LPA: variants seen among roughly 807,000 people sequenced by gnomAD.
LPA encodes apolipoprotein(a).
A neutral mutation model predicts 197.9 loss-of-function variants in LPA; 199 were observed. That is an observed-to-expected ratio of 1.01 (90% confidence interval 0.90 to 1.13). LPA has a LOEUF of 1.13. Ranked by LOEUF, LPA falls within the 50% of genes most tolerant of loss-of-function variation. The pLI is 0.00. For missense variants in LPA, 1,853 were observed against 1,785.8 expected, an observed-to-expected ratio of 1.04 and a Z score of -0.68; for synonymous variants, 715 against 639.5, an observed-to-expected ratio of 1.12 and a Z score of -1.78.
At chr6:160,648,495 C>G (rs1272591900) in intron 2 of LPA, among the ~76,000 whole-genome samples, 2 of 151,964 alleles carry the variant, frequency 1.3e-5, no homozygotes, top group Non-Finnish European at 2.9e-5. Flanking sequence ...TGTAGGAAAT[C>G]TTTTTATGTT....
At chr6:160,643,114 G>GTGTA (rs1779868871) in intron 4 of LPA, among the ~76,000 whole-genome samples, 6 of 144,614 alleles carry the variant, frequency 4.1e-5, no homozygotes, top group African/African-American at 1.5e-4. Flanking sequence ...GTGTGTGTGT[G>GTGTA]TAGCTCATTC....
At chr6:160,586,014 A>G (rs1157314616) in intron 25 of LPA, among the ~76,000 whole-genome samples, 1 of 152,140 alleles carries the variant, frequency 6.6e-6, no homozygotes, top group African/African-American at 2.4e-5. Flanking sequence ...AAGACATGTT[A>G]GGTTTCTCAA....
At chr6:160,547,485 T>C (rs1003908447) in intron 32 of LPA, among the ~76,000 whole-genome samples, 13 of 152,072 alleles carry the variant, frequency 8.5e-5, no homozygotes, top group African/African-American at 3.1e-4. Context: ...AGGCCACAGA[T>C]AATTACCAGT....
intron 7 of LPA, among the ~76,000 whole-genome samples, chr6:160,634,477 C>T (rs1311514468): frequency 7.5e-6 from 1 of 132,990 alleles, no homozygotes; most frequent in Non-Finnish European, 1.6e-5. Context: ...AGGGAATCTT[C>T]TCATGCCCTG....
intron 25 of LPA, 49 bp from the exon 26 acceptor site, chr6:160,585,254 A>G (rs1398725341): frequency 1.3e-6 from 2 of 1,596,622 alleles, no homozygotes; most frequent in Non-Finnish European, 1.7e-6. Context: ...GAAAAGGGAA[A>G]TGTGAAAAAA....
chr6:160,548,630 G>A lies in LPA; in HGVS notation c.5003C>T (p.Pro1668Leu). Residue 1668 changes from proline (P) to leucine (L), a missense_variant, in exon 31 of 39, where the codon CCA (proline) becomes CTA (leucine). Transcript: ENST00000316300. ...ACACCAAGGGCCTGTATCGGCATCT[G>A]GATTCCTGCAGTAGTTCATTGTCAG... Reference protein sequence around the residue: ...DGLTMNYCRNPDADTGPWCFT... With the variant: ...DGLTMNYCRNLDADTGPWCFT... 6.2e-7 allele frequency: 1 copy of A among 1,614,064 alleles called. No homozygotes were observed.
intron 18 of LPA, among the ~76,000 whole-genome samples, chr6:160,601,550 CAT>C (rs973483078): frequency 1.1e-4 from 17 of 152,188 alleles, no homozygotes; most frequent in Non-Finnish European, 2.4e-4. Flanking sequence ...GGAACTAACA[CAT>C]AGTTCTCCAG....
At chr6:160,607,827 C>G (rs1404395333) in intron 16 of LPA, among the ~76,000 whole-genome samples, 1 of 152,128 alleles carries the variant, frequency 6.6e-6, no homozygotes, top group African/African-American at 2.4e-5. Context: ...CTTGGCTTCT[C>G]TCTTTTGAAT....
In LPA at chr6:160,601,034, C is replaced by A; in HGVS notation, c.3010G>T (p.Asp1004Tyr). 1.2e-6 allele frequency: 2 copies of A among 1,614,140 alleles called. No individual in the cohort carries two copies. The highest frequency in any genetic ancestry group is 1.7e-6 in the Non-Finnish European group (2 of 1,179,986). Residue 1004 changes from aspartate (D) to tyrosine (Y), a missense_variant, in exon 19 of 39, where the codon GAT becomes TAT. Coordinates refer to ENST00000316300, the MANE Select transcript of LPA (RefSeq NM_005577.4). ...PVAAPWCYTTDPSVRWEYCNL... is the reference protein window; with the variant it reads ...PVAAPWCYTTYPSVRWEYCNL... ...CAGTACTCCCACCTGACACTGGGAT[C>A]TGTTGTATAACACCAAGGGGCTGCC...
At chr6:160,583,606 C>T (rs948416777) in intron 26 of LPA, among the ~76,000 whole-genome samples, 15 of 152,146 alleles carry the variant, frequency 9.9e-5, no homozygotes, top group Non-Finnish European at 1.6e-4. Flanking sequence ...AGTAGCTGTT[C>T]TTTGTTCTCC....
chr6:160,592,025 A>G (rs575565448), intron 22 of LPA, among the ~76,000 whole-genome samples: 4 of 152,146 alleles, frequency 2.6e-5, no homozygotes, highest in East Asian at 3.9e-4. Flanking sequence ...TCTATACCTG[A>G]GTCATTGAGC....
In LPA at chr6:160,641,068, A is replaced by T. The variant is rs570596404; in HGVS notation, c.552-220T>A. Among the ~76,000 whole-genome samples, 13 of 139,582 alleles carry T rather than the reference A, an allele frequency of 9.3e-5. 3 individuals are homozygous for T. The highest frequency in any genetic ancestry group is 1.6e-4 in the Non-Finnish European group (10 of 64,350). 91.6% of individuals were successfully genotyped at this position (139,582 alleles called of 152,430 possible). A position where few individuals can be genotyped will look rare whatever the true frequency, so the allele number is the denominator to read the frequency against. Reference sequence around the variant, plus strand: ...GATTATTACTATTTTTTTAAATAAAAAATCTAAAGTAGCAAACGCTTCTTA... The same window carrying T: ...GATTATTACTATTTTTTTAAATAAATAATCTAAAGTAGCAAACGCTTCTTA... On this transcript the variant is annotated intron_variant, in intron 4 of 38. Coordinates refer to ENST00000316300, the MANE Select transcript of LPA (RefSeq NM_005577.4).
intron 18 of LPA, 142 bp from the exon 19 acceptor site, chr6:160,601,240 G>T (rs1779237002): frequency 6.9e-6 from 5 of 726,390 alleles, no homozygotes; most frequent in Admixed American, 6.3e-5. Context: ...ATGACAAATG[G>T]CTCTCAATCT....
chr6:160,567,701 C>T (rs951660602), intron 28 of LPA, among the ~76,000 whole-genome samples: 9 of 152,186 alleles, frequency 5.9e-5, no homozygotes, highest in African/African-American at 2.2e-4. Flanking sequence ...TCAATGAATC[C>T]AGGAGCTGGT....
intron 24 of LPA, among the ~76,000 whole-genome samples, chr6:160,589,191 T>C (rs984967317): frequency 1.3e-5 from 2 of 152,218 alleles, no homozygotes; most frequent in Non-Finnish European, 2.9e-5. Flanking sequence ...CAACCTTCAC[T>C]CCAGGGCTTG....
intron 36 of LPA, among the ~76,000 whole-genome samples, chr6:160,539,595 A>G (rs1055365031): frequency 2.0e-5 from 3 of 152,152 alleles, no homozygotes; most frequent in Admixed American, 2.0e-4. Flanking sequence ...GGGCTCAAGC[A>G]ATTCTTCCTC....
At chr6:160,539,174 C>T (rs1029882402) in intron 36 of LPA, among the ~76,000 whole-genome samples, 2 of 152,180 alleles carry the variant, frequency 1.3e-5, no homozygotes, top group Admixed American at 1.3e-4. Flanking sequence ...CCATGCTCAT[C>T]CCTGTCTGCA....
At chr6:160,546,554 A>G (rs780628880) in intron 32 of LPA, among the ~76,000 whole-genome samples, 5 of 152,176 alleles carry the variant, frequency 3.3e-5, no homozygotes, top group Non-Finnish European at 7.4e-5. Context: ...ATATAGAAAA[A>G]CAGATCTTTA....
intron 20 of LPA, among the ~76,000 whole-genome samples, chr6:160,598,907 G>T (rs1191518694): frequency 6.6e-6 from 1 of 152,198 alleles, no homozygotes; most frequent in African/African-American, 2.4e-5. Context: ...TGAAAAGGTT[G>T]TATTAACCCT....
Sources: gnomAD v4.1 joint callset for allele counts (sites outside exome capture counted in the v4.1 genomes callset) on GRCh38, gnomAD v4.1.1 for gene constraint, MANE v1.5 for transcripts, NCBI Gene and HGNC (gene_info 2026-07-23, HGNC 2026-07-21) for gene names.